KALRN: variants seen among roughly 807,000 people sequenced by gnomAD.
The protein encoded by KALRN is kalirin.
KALRN carries 70 observed loss-of-function variants against 353.7 expected under a neutral mutation model. The observed-to-expected ratio is 0.20, with a 90% confidence interval of 0.16 to 0.24. The LOEUF (loss-of-function observed/expected upper bound fraction) is 0.24. Among genes scored for constraint, KALRN ranks in the 10% least tolerant of loss-of-function variants. The probability of loss-of-function intolerance (pLI) is 1.00; values close to 1 mark genes in which losing one functional copy is unlikely to be tolerated. For missense variants in KALRN, 2,791 were observed against 3,756.7 expected (o/e 0.74, Z 6.72); for synonymous variants, 1,391 against 1,434.8 (o/e 0.97, Z 0.69).
chr3:124,694,460 C>T lies in KALRN; in HGVS notation c.7534C>T (p.Leu2512Phe). The T allele has an allele frequency of 6.2e-7, 1 of 1,614,162 alleles. No homozygotes were observed. The highest frequency in any genetic ancestry group is 8.5e-7 in the Non-Finnish European group (1 of 1,180,022). ...TTGGAAGGGTCCAGACCAGAACATC[C>T]TTGACACTGATAACAGCTCAGCCAC... ...ITWKGPDQNI[L>F]DTDNSSATYT... The change falls in exon 53 of 60, where the codon CTT (leucine) becomes TTT (phenylalanine). Residue 2512 changes from leucine (L) to phenylalanine (F), a missense_variant. Leu to Phe is a conservative substitution (Grantham distance 22). This residue lies in a region of KALRN where 1,065 missense variants were observed against 1,156.4 expected (regional missense o/e 0.92). Transcript: ENST00000682506.
chr3:124,064,731 G>T (rs989983832), intron 1 of KALRN, among the ~76,000 whole-genome samples: 1 of 152,184 alleles, frequency 6.6e-6, no homozygotes, highest in Non-Finnish European at 1.5e-5. Context: ...TTGGTTTGGG[G>T]TTGGGAATCT....
chr3:124,262,305 A>G (rs1408918120), intron 3 of KALRN, among the ~76,000 whole-genome samples: 1 of 152,208 alleles, frequency 6.6e-6, no homozygotes, highest in African/African-American at 2.4e-5. Context: ...TACGCACAGA[A>G]AAGGTGGAAA....
chr3:124,636,892 G>A (rs1209777906), intron 36 of KALRN, among the ~76,000 whole-genome samples: 1 of 152,174 alleles, frequency 6.6e-6, no homozygotes, highest in African/African-American at 2.4e-5. Context: ...CCTCCAAGCT[G>A]TTGCTGTCAG....
At chr3:124,370,530 C>T (rs146453507) in intron 10 of KALRN, among the ~76,000 whole-genome samples, 47 of 152,328 alleles carry the variant, frequency 3.1e-4, no homozygotes, top group African/African-American at 1.1e-3. Context: ...GAAACCGTTG[C>T]TATGGTCTTT....
intron 1 of KALRN, among the ~76,000 whole-genome samples, chr3:124,079,473 T>A (rs772299483): frequency 3.3e-5 from 5 of 152,252 alleles, no homozygotes; most frequent in African/African-American, 7.2e-5. Context: ...GGTATTAAAC[T>A]GTGCTGCTTT....
intron 33 of KALRN, among the ~76,000 whole-genome samples, chr3:124,521,921 G>A (rs2067196575): frequency 6.6e-6 from 1 of 152,154 alleles, no homozygotes; most frequent in Non-Finnish European, 1.5e-5. Flanking sequence ...CACAGTTCTT[G>A]GAGCTAGGGA....
At chr3:124,717,569 A>G (rs923218026) in intron 59 of KALRN, among the ~76,000 whole-genome samples, 184 bp downstream of exon 59, 6 of 151,888 alleles carry the variant, frequency 4.0e-5, no homozygotes, top group East Asian at 2.0e-4. Context: ...GGTGGTGGGC[A>G]CCTGTAGTCC....
Position 124,667,175 on chromosome 3 carries a change from T to C in KALRN, c.6695T>C (p.Phe2232Ser). The change falls in exon 47 of 60, where the codon TTT (phenylalanine) becomes TCT (serine). Residue 2232 changes from phenylalanine (F) to serine (S), a missense_variant. Physicochemically the swap from Phe to Ser is radical, Grantham distance 155. Transcript: ENST00000682506. ...CAAGTCTTAGAAACACAGCGAGACT[T>C]TTTGAATGGTGGGTGCTGGGCTTGG... The part of the protein sequence containing the change: ...INQVLETQRD[F>S]LNALQSPIEY... 1 of 1,613,616 alleles carries C rather than the reference T, an allele frequency of 6.2e-7. No individual in the cohort carries two copies. The highest frequency in any genetic ancestry group is 8.5e-7 in the Non-Finnish European group (1 of 1,179,648).
intron 37 of KALRN, among the ~76,000 whole-genome samples, chr3:124,650,460 T>C (rs2083285743): frequency 6.6e-6 from 1 of 152,222 alleles, no homozygotes; most frequent in Non-Finnish European, 1.5e-5. Flanking sequence ...TATTCACCCT[T>C]TTCACTTGTT....
chr3:124,256,136 A>G (rs1235046386), intron 3 of KALRN, among the ~76,000 whole-genome samples: 1 of 152,212 alleles, frequency 6.6e-6, no homozygotes, highest in Non-Finnish European at 1.5e-5. Context: ...TTGCTCAGAC[A>G]GGAACCTGGA....
At chr3:124,430,899 G>C (rs1465129176) in intron 16 of KALRN, 124 bp downstream of exon 16, 2 of 1,196,330 alleles carry the variant, frequency 1.7e-6, no homozygotes, top group African/African-American at 3.1e-5. Flanking sequence ...TAGTAGAATG[G>C]TCCAGGGAGC....
chr3:124,397,660 T>C (rs2090328990), intron 12 of KALRN, among the ~76,000 whole-genome samples: 1 of 152,188 alleles, frequency 6.6e-6, no homozygotes, highest in Non-Finnish European at 1.5e-5. Flanking sequence ...CACCACCTCA[T>C]TTTGCTAAGC....
At chr3:124,075,485 GT>G (rs984684510) in intron 1 of KALRN, among the ~76,000 whole-genome samples, 2 of 152,128 alleles carry the variant, frequency 1.3e-5, no homozygotes, top group African/African-American at 4.8e-5. Flanking sequence ...AACCTTTGGG[GT>G]TGACCTTGGC....
intron 45 of KALRN, among the ~76,000 whole-genome samples, chr3:124,664,532 T>C (rs1323223213): frequency 6.6e-6 from 1 of 151,878 alleles, no homozygotes; most frequent in African/African-American, 2.4e-5. Context: ...TGCCTCAGCC[T>C]CCCAAGTAGC....
At chr3:124,181,360 T>G (rs1335576100) in intron 1 of KALRN, among the ~76,000 whole-genome samples, 1 of 152,182 alleles carries the variant, frequency 6.6e-6, no homozygotes, top group African/African-American at 2.4e-5. Context: ...AGCAACATTA[T>G]TTTAATAATC....
chr3:124,163,975 G>C (rs1560119774), intron 1 of KALRN: 1 of 985,288 alleles, frequency 1.0e-6, no homozygotes, highest in African/African-American at 1.7e-5. Flanking sequence ...CTTTTCTGTG[G>C]TCATTCAGAG....
chr3:124,440,253 TCAAA>T (rs1314498058), intron 18 of KALRN, among the ~76,000 whole-genome samples: 3 of 152,184 alleles, frequency 2.0e-5, no homozygotes, highest in African/African-American at 7.2e-5. Flanking sequence ...TATAAAAATC[TCAAA>T]CAGAAGTGTA....
At chr3:124,399,028 T>C (rs143843278) in intron 13 of KALRN, among the ~76,000 whole-genome samples, 157 bp downstream of exon 13, 2 of 152,316 alleles carry the variant, frequency 1.3e-5, no homozygotes, top group East Asian at 1.9e-4. Flanking sequence ...GGCATATTCC[T>C]TCCAGTCCCT....
At chr3:124,464,544 C>T (rs1175395448) in intron 25 of KALRN, among the ~76,000 whole-genome samples, 3 of 151,766 alleles carry the variant, frequency 2.0e-5, no homozygotes, top group East Asian at 3.9e-4. Context: ...TGCTGTAAAT[C>T]GAGGAATAAA....
Sources: allele counts gnomAD v4.1 joint callset (sites outside exome capture counted in the v4.1 genomes callset), GRCh38; gene constraint gnomAD v4.1.1; regional missense constraint gnomAD v4.1.1; transcripts MANE v1.5; gene names NCBI Gene and HGNC (gene_info 2026-07-23, HGNC 2026-07-21).